The following GRID2 variants were observed in gnomAD, a reference collection of about 807,000 sequenced individuals.
The protein encoded by GRID2 is glutamate ionotropic receptor delta type subunit 2.
Under a neutral mutation model 114.8 loss-of-function variants are expected in GRID2, and 33 were observed. The ratio of observed to expected loss-of-function variants is 0.29; its 90% CI spans 0.22 to 0.38. GRID2 has a LOEUF of 0.38. GRID2 is among the 10% of genes least tolerant of loss of function. The pLI is 1.00. For synonymous variants in GRID2, 505 were observed against 449.9 expected (o/e 1.12, Z -1.55); for missense variants, 1,184 against 1,257.7 (o/e 0.94, Z 0.89).
At chr4:93,563,607 A>G (rs1735122097) in intron 13 of GRID2, among the ~76,000 whole-genome samples, 1 of 152,034 alleles carries the variant, frequency 6.6e-6, no homozygotes, top group South Asian at 2.1e-4. Flanking sequence ...CCTACAATTT[A>G]TTATAAATTA....
chr4:93,453,476 A>T (rs912226412), intron 10 of GRID2, among the ~76,000 whole-genome samples: 1 of 152,134 alleles, frequency 6.6e-6, no homozygotes, highest in African/African-American at 2.4e-5. Context: ...ACCAGAATTT[A>T]GGAATTTGTT....
chr4:93,246,032 A>C (rs1748162531), intron 8 of GRID2, among the ~76,000 whole-genome samples: 1 of 152,180 alleles, frequency 6.6e-6, no homozygotes, highest in Non-Finnish European at 1.5e-5. Flanking sequence ...GATAGCATGA[A>C]ACACTAACTT....
intron 8 of GRID2, among the ~76,000 whole-genome samples, chr4:93,331,895 C>T (rs1170824820): frequency 3.3e-5 from 5 of 152,086 alleles, no homozygotes; most frequent in Non-Finnish European, 7.4e-5. Context: ...CTTTATGGAA[C>T]TGTTCTTCTT....
chr4:93,317,986 AATATATATATATATATATATATAT>A (rs58755199), intron 8 of GRID2, among the ~76,000 whole-genome samples: 12 of 100,914 alleles, frequency 1.2e-4, no homozygotes, highest in Non-Finnish European at 2.1e-4. Flanking sequence ...TTAAAAGTGA[AATATATATATATATATATATATAT>A]ATATATATAT....
intron 2 of GRID2, among the ~76,000 whole-genome samples, chr4:93,008,269 A>C (rs1721769857): frequency 6.6e-6 from 1 of 152,026 alleles, no homozygotes; most frequent in Non-Finnish European, 1.5e-5. Flanking sequence ...AAATATTGAA[A>C]ATTTTACCAT....
intron 8 of GRID2, among the ~76,000 whole-genome samples, chr4:93,248,981 GT>G (rs1748515854): frequency 6.6e-6 from 1 of 152,070 alleles, no homozygotes; most frequent in Admixed American, 6.6e-5. Context: ...TTGTTCCTTT[GT>G]TTTTGGTACA....
At chr4:93,747,048 A>G (rs558500155) in intron 14 of GRID2, among the ~76,000 whole-genome samples, 1 of 152,042 alleles carries the variant, frequency 6.6e-6, no homozygotes, top group East Asian at 1.9e-4. Context: ...TAGTGTTTCA[A>G]AAAAAAATCT....
intron 10 of GRID2, among the ~76,000 whole-genome samples, chr4:93,433,568 A>G (rs1720785616): frequency 6.6e-6 from 1 of 152,160 alleles, no homozygotes; most frequent in Admixed American, 6.5e-5. Flanking sequence ...CAAAACAAGT[A>G]TATTTTTTGC....
At chr4:93,025,202 T>C (rs915635212) in intron 2 of GRID2, among the ~76,000 whole-genome samples, 1 of 151,684 alleles carries the variant, frequency 6.6e-6, no homozygotes, top group Admixed American at 6.6e-5. Flanking sequence ...ACTCCAAATG[T>C]GTTTGGAAAC....
intron 1 of GRID2, among the ~76,000 whole-genome samples, chr4:92,447,028 C>T (rs1466654112): frequency 6.6e-6 from 1 of 152,160 alleles, no homozygotes; most frequent in Non-Finnish European, 1.5e-5. Context: ...TTACCTTACT[C>T]AGAATCCTAT....
intron 1 of GRID2, among the ~76,000 whole-genome samples, chr4:92,445,182 T>A (rs1301666208): frequency 6.6e-6 from 1 of 152,236 alleles, no homozygotes; most frequent in Non-Finnish European, 1.5e-5. Flanking sequence ...GTAGATGATT[T>A]GATTTTTGCC....
At chr4:92,569,395 C>T (rs555979497) in intron 1 of GRID2, among the ~76,000 whole-genome samples, 28 of 152,008 alleles carry the variant, frequency 1.8e-4, no homozygotes, top group African/African-American at 5.5e-4. Context: ...AGGTTGATTC[C>T]GTGTCTTTGT....
At chr4:92,815,964 A>G (rs1740881009) in intron 2 of GRID2, among the ~76,000 whole-genome samples, 5 of 150,508 alleles carry the variant, frequency 3.3e-5, no homozygotes, top group Admixed American at 3.3e-4. Flanking sequence ...AAAAGCCAAA[A>G]AAAAACCAAC....
At chr4:92,357,641 A>G (rs1728393602) in intron 1 of GRID2, among the ~76,000 whole-genome samples, 1 of 151,868 alleles carries the variant, frequency 6.6e-6, no homozygotes, top group Non-Finnish European at 1.5e-5. Flanking sequence ...CTTTTTCTGT[A>G]TGATGACATG....
intron 2 of GRID2, among the ~76,000 whole-genome samples, chr4:92,773,891 C>T (rs1738656225): frequency 6.6e-6 from 1 of 152,052 alleles, no homozygotes; most frequent in South Asian, 2.1e-4. Flanking sequence ...TTTAGTTGTA[C>T]AAGCATGCAT....
rs1723833861 is a variant in GRID2, at chr4:92,504,193, G to A, written c.89-85938G>A. On this transcript the variant is annotated intron_variant, in intron 1 of 15. Transcript: ENST00000282020. ...TAAAATTTCCATACCCAGAAGAGAGGAGAAAAGGGTTTTCTTTGTGTATGG... is the reference window on the plus strand; with the variant it reads ...TAAAATTTCCATACCCAGAAGAGAGAAGAAAAGGGTTTTCTTTGTGTATGG... Among the ~76,000 whole-genome samples the A allele has an allele frequency of 3.3e-5, 5 of 152,004 alleles. No individual in the cohort carries two copies. The South Asian group carries it at 8.3e-4, about 25-fold the overall frequency.
At chr4:93,753,030 T>C (rs1423124709) in intron 14 of GRID2, among the ~76,000 whole-genome samples, 1 of 152,136 alleles carries the variant, frequency 6.6e-6, no homozygotes, top group Admixed American at 6.5e-5. Flanking sequence ...AGAAAATAAA[T>C]AGTTATCACT....
chr4:93,657,139 A>G (rs1048902762), intron 14 of GRID2, among the ~76,000 whole-genome samples: 2 of 152,094 alleles, frequency 1.3e-5, no homozygotes, highest in African/African-American at 4.8e-5. Context: ...AGAATAAGAA[A>G]TTCATTAGCT....
chr4:93,100,576 G>A (rs1041823144), intron 3 of GRID2, among the ~76,000 whole-genome samples: 2 of 151,898 alleles, frequency 1.3e-5, no homozygotes, highest in Admixed American at 6.6e-5. Flanking sequence ...CCAGCAGTAT[G>A]ACATACTCCT....
Sources: gnomAD v4.1 joint callset for allele counts (sites outside exome capture counted in the v4.1 genomes callset) on GRCh38, gnomAD v4.1.1 for gene constraint, MANE v1.5 for transcripts, NCBI Gene and HGNC (gene_info 2026-07-23, HGNC 2026-07-21) for gene names.